Variants in IMMP2L observed in about 807,000 individuals in gnomAD.
IMMP2L encodes the protein inner mitochondrial membrane peptidase subunit 2.
IMMP2L carries 18 observed loss-of-function variants against 19.3 expected under a neutral mutation model. The observed-to-expected ratio is 0.93, with a 90% confidence interval of 0.64 to 1.38. The LOEUF is 1.38. Ranked by LOEUF, IMMP2L falls within the 40% of genes most tolerant of loss-of-function variation. IMMP2L has a pLI of 0.00. For missense variants in IMMP2L, 233 were observed against 218.2 expected, an observed-to-expected ratio of 1.07 and a Z score of -0.43; for synonymous variants, 76 against 73.0, an observed-to-expected ratio of 1.04 and a Z score of -0.21.
chr7:110,759,417 A>C (rs1177435196), intron 5 of IMMP2L, among the ~76,000 whole-genome samples: 1 of 152,148 alleles, frequency 6.6e-6, no homozygotes, highest in African/African-American at 2.4e-5. Context: ...TTCTGAAAGG[A>C]GGCTGGTCAA....
chr7:111,093,754 T>C (rs1169681502), intron 3 of IMMP2L, among the ~76,000 whole-genome samples: 5 of 152,170 alleles, frequency 3.3e-5, no homozygotes, highest in Admixed American at 3.3e-4. Flanking sequence ...GATCAGCACC[T>C]ACGAATGCCA....
At chr7:111,152,321 G>C (rs950156442) in intron 3 of IMMP2L, among the ~76,000 whole-genome samples, 1 of 151,912 alleles carries the variant, frequency 6.6e-6, no homozygotes, top group East Asian at 1.9e-4. Context: ...CTGCATTACC[G>C]TTATTTAAAC....
chr7:110,815,061 C>T (rs902472956), intron 5 of IMMP2L, among the ~76,000 whole-genome samples: 1 of 151,986 alleles, frequency 6.6e-6, no homozygotes, highest in Admixed American at 6.6e-5. Flanking sequence ...TAAATAAGTT[C>T]TTCCAGTTTT....
chr7:111,550,836 A>T (rs1416952952), intron 1 of IMMP2L, among the ~76,000 whole-genome samples: 1 of 152,178 alleles, frequency 6.6e-6, no homozygotes, highest in Non-Finnish European at 1.5e-5. Context: ...CAGTATACTG[A>T]GTCCAAAGAC....
intron 1 of IMMP2L, among the ~76,000 whole-genome samples, chr7:111,526,419 CTA>C (rs990687379): frequency 1.3e-5 from 2 of 152,142 alleles, no homozygotes; most frequent in African/African-American, 4.8e-5. Context: ...GTGGTTAATT[CTA>C]TATGCTAGGA....
intron 3 of IMMP2L, among the ~76,000 whole-genome samples, chr7:111,442,403 T>G (rs1236924024): frequency 6.6e-6 from 1 of 151,812 alleles, no homozygotes; most frequent in Non-Finnish European, 1.5e-5. Flanking sequence ...GACATGTACT[T>G]GAGAACTTCA....
At position 111,309,882 on chromosome 7, in the gene IMMP2L, A is replaced by G. The variant is rs945094808; in HGVS notation, c.239+177356T>C. 6.6e-5 allele frequency among the ~76,000 whole-genome samples: 10 copies of G among 152,290 alleles called. 1 individual carries two copies. The highest frequency in any genetic ancestry group is 5.9e-4 in the Admixed American group (9 of 15,288). On this transcript the variant is annotated intron_variant, in intron 3 of 5. Coordinates refer to ENST00000405709, the MANE Select transcript of IMMP2L (RefSeq NM_032549.4). ...ATTTTAGAGATTTTAAAATATTTTG[A>G]TGGCACTATTTCAATTTAGTTTATT...
intron 3 of IMMP2L, among the ~76,000 whole-genome samples, chr7:111,328,794 A>G (rs1825592140): frequency 6.6e-6 from 1 of 151,874 alleles, no homozygotes; most frequent in South Asian, 2.1e-4. Flanking sequence ...TTCCACATGA[A>G]ACTTCAACGT....
At chr7:110,860,970 CTAA>C (rs1294496428) in intron 5 of IMMP2L, among the ~76,000 whole-genome samples, 2 of 148,196 alleles carry the variant, frequency 1.3e-5, no homozygotes, top group Non-Finnish European at 3.0e-5. Flanking sequence ...TTCAAAAATA[CTAA>C]TGTCATTATT....
At chr7:111,518,867 T>G (rs1238016538) in intron 2 of IMMP2L, among the ~76,000 whole-genome samples, 1 of 152,082 alleles carries the variant, frequency 6.6e-6, no homozygotes, top group Non-Finnish European at 1.5e-5. Flanking sequence ...ATTCTGAAAA[T>G]AGCATCCTCT....
At chr7:111,186,173 T>C (rs1209232104) in intron 3 of IMMP2L, among the ~76,000 whole-genome samples, 1 of 152,170 alleles carries the variant, frequency 6.6e-6, no homozygotes, top group Non-Finnish European at 1.5e-5. Flanking sequence ...GTATAGGGTA[T>C]AGCAGATTCC....
chr7:111,194,407 A>G (rs756217087), intron 3 of IMMP2L, among the ~76,000 whole-genome samples: 2 of 152,180 alleles, frequency 1.3e-5, no homozygotes, highest in African/African-American at 2.4e-5. Flanking sequence ...CCTCTGAGAA[A>G]GATTCCTGAG....
At chr7:111,108,139 G>T (rs1230157052) in intron 3 of IMMP2L, among the ~76,000 whole-genome samples, 1 of 145,798 alleles carries the variant, frequency 6.9e-6, no homozygotes, top group African/African-American at 2.8e-5. Context: ...TCTGGGTTTG[G>T]AGACAAAAAC....
intron 5 of IMMP2L, among the ~76,000 whole-genome samples, chr7:110,779,063 A>G (rs1377442017): frequency 1.3e-5 from 2 of 151,986 alleles, no homozygotes; most frequent in Non-Finnish European, 2.9e-5. Context: ...TAACGATTTT[A>G]TAAAATTTGA....
chr7:111,338,989 C>A (rs1826742750), intron 3 of IMMP2L, among the ~76,000 whole-genome samples: 1 of 152,060 alleles, frequency 6.6e-6, no homozygotes. Flanking sequence ...TACAAGTGAG[C>A]TCCTCTGGAT....
chr7:110,664,756 C>T (rs971836871), intron 5 of IMMP2L: 1 of 152,108 alleles, frequency 6.6e-6, no homozygotes, highest in Non-Finnish European at 1.5e-5. Context: ...TTACAAAATA[C>T]ACTCATATTT....
rs541587303 is a variant in IMMP2L, at chr7:111,197,456, C to G, written c.240-233891G>C. ...CCAGCCTGGGCAACAGAGCGAGACT[C>G]CATCTCAAAACAAACAGAAGAGAAC... is the stretch of plus-strand genomic sequence containing the variant. On this transcript the variant is annotated intron_variant, in intron 3 of 5. Coordinates refer to ENST00000405709, the MANE Select transcript of IMMP2L (RefSeq NM_032549.4). Among the ~76,000 whole-genome samples, 5 of 151,980 alleles carry G rather than the reference C, an allele frequency of 3.3e-5. No individual in the cohort carries two copies. The East Asian group carries it at 9.7e-4, about 29-fold the overall frequency.
At chr7:111,124,664 C>T (rs767663733) in intron 3 of IMMP2L, 1 of 1,613,844 alleles carries the variant, frequency 6.2e-7, no homozygotes, top group South Asian at 1.1e-5. Flanking sequence ...ACACTTATGG[C>T]CTGTCTTGGA....
chr7:111,211,439 G>C (rs896793791), intron 3 of IMMP2L, among the ~76,000 whole-genome samples: 15 of 152,146 alleles, frequency 9.9e-5, no homozygotes, highest in Admixed American at 8.5e-4. Flanking sequence ...TTCAATGGGA[G>C]GAGTAGGAAA....
Sources: gnomAD v4.1 joint callset for allele counts (sites outside exome capture counted in the v4.1 genomes callset) on GRCh38, gnomAD v4.1.1 for gene constraint, MANE v1.5 for transcripts, NCBI Gene and HGNC (gene_info 2026-07-23, HGNC 2026-07-21) for gene names.